Variants in DNAH9 observed in about 807,000 individuals in gnomAD.
The protein encoded by DNAH9 is DNAH9 variant protein.
A neutral mutation model predicts 471.6 loss-of-function variants in DNAH9; 345 were observed. The observed-to-expected ratio is 0.73, with a 90% CI of 0.67 to 0.80. The LOEUF (loss-of-function observed/expected upper bound fraction) is 0.80, where lower values mean the gene tolerates loss of function less well. DNAH9 is among the 30% of genes least tolerant of loss of function. The probability of loss-of-function intolerance (pLI) is 0.00; values close to 1 mark genes in which losing one functional copy is unlikely to be tolerated. For synonymous variants in DNAH9, 2,093 were observed against 2,123.6 expected (o/e 0.99, Z 0.40); for missense variants, 5,407 against 5,609.2 (o/e 0.96, Z 1.15).
intron 8 of DNAH9, among the ~76,000 whole-genome samples, chr17:11,636,230 T>C (rs146618371): frequency 0.19 from 28,817 of 152,126 alleles, 3,555 homozygotes; most frequent in Non-Finnish European, 0.27. Flanking sequence ...GGTCTTGAAC[T>C]CCTGACCTCG....
chr17:11,822,863 A>T lies in DNAH9; in HGVS notation c.9075A>T (p.Thr3025=). The change falls in exon 48 of 69, where the codon ACA becomes ACT. Residue 3025 remains threonine, a synonymous_variant. Coordinates refer to ENST00000262442, the MANE Select transcript of DNAH9 (RefSeq NM_001372.4). ...MAFVHTSVNQ[T]SQSYLSNEQR... ...TTGTCCACACAAGTGTCAACCAAAC[A>T]TCCCAGTCTTATCTGAGCAATGAAC... is the stretch of plus-strand genomic sequence containing the variant. The T allele has an allele frequency of 1.9e-6, 3 of 1,614,254 alleles. No homozygotes were observed. The highest frequency in any genetic ancestry group is 2.5e-6 in the Non-Finnish European group (3 of 1,180,050).
chr17:11,938,204 A>C (rs1974775693), intron 66 of DNAH9, among the ~76,000 whole-genome samples: 1 of 152,066 alleles, frequency 6.6e-6, no homozygotes, highest in African/African-American at 2.4e-5. Context: ...TCACACCTGT[A>C]ATCCCAGCAC....
chr17:11,788,860 A>G (rs111309858), intron 41 of DNAH9, among the ~76,000 whole-genome samples: 2,807 of 152,192 alleles, frequency 0.018, 76 homozygotes, highest in African/African-American at 0.064. Context: ...TAAATATGAT[A>G]TTCTCTACTG....
At chr17:11,889,979 T>C (rs1973000567) in intron 57 of DNAH9, among the ~76,000 whole-genome samples, 1 of 152,226 alleles carries the variant, frequency 6.6e-6, no homozygotes, top group South Asian at 2.1e-4. Context: ...CTTTTTGGGT[T>C]TTGTTTCTTG....
chr17:11,684,894 A>C (rs774104762), intron 19 of DNAH9, among the ~76,000 whole-genome samples: 7 of 152,208 alleles, frequency 4.6e-5, no homozygotes, highest in Non-Finnish European at 8.8e-5. Flanking sequence ...AATATTTGTC[A>C]TTAAACCTCC....
chr17:11,775,613 T>C (rs1266022949), intron 38 of DNAH9, among the ~76,000 whole-genome samples: 1 of 139,868 alleles, frequency 7.1e-6, no homozygotes, highest in Non-Finnish European at 1.5e-5. Flanking sequence ...TTTTTTTTTT[T>C]TTTTTTTTTG....
chr17:11,954,521 G>A (rs1975538938), intron 67 of DNAH9, among the ~76,000 whole-genome samples: 1 of 121,724 alleles, frequency 8.2e-6, no homozygotes, highest in Non-Finnish European at 2.0e-5. Flanking sequence ...AGAAGAAAGT[G>A]GAGAACTATC....
rs745776106 is a variant in DNAH9, at chr17:11,905,754, T to G, written c.11694T>G (p.Pro3898=). The change falls in exon 61 of 69, where the codon CCT becomes CCG. Residue 3898 remains proline, a synonymous_variant. Coordinates refer to ENST00000262442, the MANE Select transcript of DNAH9 (RefSeq NM_001372.4). ...TSFEESGPAT[P]MFFILSPGVD... is the part of the protein sequence containing the mutation. The stretch of plus-strand genomic sequence containing the variant: ...TTGAAGAATCGGGACCAGCCACTCC[T>G]ATGTTTTTCATCCTGTCTCCAGGGG... The G allele has an allele frequency of 6.2e-7, 1 of 1,614,194 alleles. No homozygotes were observed. The highest frequency in any genetic ancestry group is 8.5e-7 in the Non-Finnish European group (1 of 1,180,012).
intron 45 of DNAH9, among the ~76,000 whole-genome samples, chr17:11,819,731 G>A (rs1970244674): frequency 6.6e-6 from 1 of 152,162 alleles, no homozygotes. Flanking sequence ...GAAAGAACCA[G>A]AAAGAGTGAT....
chr17:11,840,801 G>A (rs1971005349), intron 49 of DNAH9, among the ~76,000 whole-genome samples: 1 of 152,124 alleles, frequency 6.6e-6, no homozygotes, highest in South Asian at 2.1e-4. Context: ...GGGGCCACGA[G>A]CCAAGGAATC....
chr17:11,790,283 T>C (rs1232677498), intron 41 of DNAH9, among the ~76,000 whole-genome samples: 1 of 152,096 alleles, frequency 6.6e-6, no homozygotes, highest in Non-Finnish European at 1.5e-5. Context: ...TATTTCACTG[T>C]GATGGTGGGT....
At chr17:11,649,946 T>C (rs995233056) in intron 12 of DNAH9, among the ~76,000 whole-genome samples, 5 of 152,192 alleles carry the variant, frequency 3.3e-5, no homozygotes, top group African/African-American at 4.8e-5. Flanking sequence ...TGGCCAAATA[T>C]GTTGGCCATT....
At position 11,930,099 on chromosome 17, in the gene DNAH9, GC is replaced by G. The variant is rs1211802739; in HGVS notation, c.12105+10del. 2.5e-6 allele frequency: 4 copies of G among 1,611,090 alleles called. No individual in the cohort carries two copies. Among genetic ancestry groups the G allele is most frequent in the Admixed American group, 3.3e-5 (2 of 59,740 alleles). ...CCCTGGACAACTTCACTCAGGTACG[GC>G]CCCGGGAGGGAGGCAAAAACAGCAG... is the stretch of plus-strand genomic sequence containing the variant. On this transcript the variant is annotated splice_region_variant and intron_variant, in intron 63 of 68. Transcript: ENST00000262442.
At chr17:11,918,097 A>G (rs761569072) in intron 61 of DNAH9, among the ~76,000 whole-genome samples, 14 of 152,176 alleles carry the variant, frequency 9.2e-5, no homozygotes, top group Non-Finnish European at 1.9e-4. Context: ...GTTCAAAGAA[A>G]CAGTTTTCCA....
intron 27 of DNAH9, among the ~76,000 whole-genome samples, chr17:11,724,537 G>T (rs976853310): frequency 6.6e-6 from 1 of 152,160 alleles, no homozygotes; most frequent in African/African-American, 2.4e-5. Context: ...GAACAATATT[G>T]CTTTGTGTGT....
At position 11,845,989 on chromosome 17, in the gene DNAH9, A is replaced by G. The variant is rs373110761; in HGVS notation, c.9508-8014A>G. Reference sequence around the variant, plus strand: ...CTGATGGTAGTTTCTTTTGCTGTGCAGAAGCTCTTTAGTTTAATTACATCC... The same window carrying G: ...CTGATGGTAGTTTCTTTTGCTGTGCGGAAGCTCTTTAGTTTAATTACATCC... On this transcript the variant is annotated intron_variant, in intron 49 of 68. Transcript: ENST00000262442. Among the ~76,000 whole-genome samples the G allele has an allele frequency of 2.2e-4, 33 of 152,030 alleles. No individual in the cohort carries two copies. The South Asian group carries it at 3.1e-3, about 14-fold the overall frequency.
At chr17:11,796,532 T>G (rs902698357) in intron 42 of DNAH9, among the ~76,000 whole-genome samples, 1 of 152,254 alleles carries the variant, frequency 6.6e-6, no homozygotes, top group Non-Finnish European at 1.5e-5. Flanking sequence ...TATATTAGGT[T>G]TGGTGAATCT....
At position 11,694,642 on chromosome 17, in the gene DNAH9, C is replaced by CTTTCTCGT. The variant is rs2074403501; in HGVS notation, c.4872+202_4872+203insTTTTCTCG. Among the ~76,000 whole-genome samples the CTTTCTCGT allele has an allele frequency of 1.1e-3, 2 of 1,844 alleles. 1 individual carries two copies. The highest frequency in any genetic ancestry group is 1.5e-3 in the African/African-American group (2 of 1,350). 1.2% of individuals were successfully genotyped at this position (1,844 alleles called of 152,430 possible). A position where few individuals can be genotyped will look rare whatever the true frequency, so the allele number is the denominator to read the frequency against. On this transcript the variant is annotated intron_variant, in intron 22 of 68. Transcript: ENST00000262442. The stretch of plus-strand genomic sequence containing the variant: ...GCTTTCTTGCTTTCTTGCTTTCTTG[C>CTTTCTCGT]TTTCTCGCTTTCTCGCTTTCTCGCT...
At chr17:11,831,460 C>T (rs1970682254) in intron 48 of DNAH9, among the ~76,000 whole-genome samples, 1 of 151,976 alleles carries the variant, frequency 6.6e-6, no homozygotes, top group Non-Finnish European at 1.5e-5. Flanking sequence ...CATGATGGAC[C>T]CGCCCCCATG....
Sources: gnomAD v4.1 joint callset for allele counts (sites outside exome capture counted in the v4.1 genomes callset) on GRCh38, gnomAD v4.1.1 for gene constraint, MANE v1.5 for transcripts, NCBI Gene and HGNC (gene_info 2026-07-23, HGNC 2026-07-21) for gene names.